ZNF343: variants seen among roughly 807,000 people sequenced by gnomAD.
The protein encoded by ZNF343 is zinc finger protein 343.
A neutral mutation model predicts 13.8 loss-of-function variants in ZNF343; 11 were observed. The observed-to-expected ratio is 0.80, with a 90% confidence interval of 0.50 to 1.32. The LOEUF (loss-of-function observed/expected upper bound fraction) is 1.32, where lower values mean the gene tolerates loss of function less well. Among genes scored for constraint, ZNF343 ranks in the 40% most tolerant of loss-of-function variants. The pLI, the probability that ZNF343 is intolerant of heterozygous loss-of-function variation, is 0.00. For synonymous variants in ZNF343, 248 were observed against 260.0 expected (o/e 0.95, Z 0.44); for missense variants, 658 against 714.2 (o/e 0.92, Z 0.90).
At chr20:2,497,714 G>A (rs764922895) in intron 2 of ZNF343, among the ~76,000 whole-genome samples, 12 of 152,130 alleles carry the variant, frequency 7.9e-5, no homozygotes, top group Admixed American at 2.6e-4. Flanking sequence ...AGAGAAATGG[G>A]GTAATAGCTG....
At chr20:2,504,862 A>T (rs1009230886) in intron 1 of ZNF343, among the ~76,000 whole-genome samples, 2 of 152,170 alleles carry the variant, frequency 1.3e-5, no homozygotes, top group Admixed American at 1.3e-4. Flanking sequence ...ATGGGCAAAA[A>T]CTGGAAGCAT....
At chr20:2,523,559 A>T (rs903777232) in intron 1 of ZNF343, among the ~76,000 whole-genome samples, 6 of 152,078 alleles carry the variant, frequency 3.9e-5, no homozygotes, top group African/African-American at 1.4e-4. Flanking sequence ...CTTCTCAGTG[A>T]GAAATGGGAA....
chr20:2,506,186 A>G (rs1469705192), intron 1 of ZNF343, among the ~76,000 whole-genome samples: 1 of 152,268 alleles, frequency 6.6e-6, no homozygotes, highest in African/African-American at 2.4e-5. Flanking sequence ...CAAAAGACAC[A>G]GGAAAAAATG....
intron 1 of ZNF343, among the ~76,000 whole-genome samples, chr20:2,505,905 C>T (rs866171563): frequency 1.2e-4 from 18 of 152,256 alleles, no homozygotes; most frequent in Middle Eastern, 6.8e-3. Flanking sequence ...GTCTAAAACA[C>T]CAAAAGCAAT....
Position 2,484,261 on chromosome 20 carries a change from C to T in ZNF343, c.700G>A (p.Glu234Lys). ...VQLDKGLKELETLRFGAINCR... is the reference protein window; with the variant it reads ...VQLDKGLKELKTLRFGAINCR... ...TTGATTGCTCCAAATCTCAAGGTTT[C>T]TAATTCCTTCAAGCCTTTGTCTAGC... The change falls in exon 6 of 6, where the codon GAA becomes AAA. Residue 234 changes from glutamate (E) to lysine (K), a missense_variant. Physicochemically the swap from Glu to Lys is moderately conservative, Grantham distance 56 (BLOSUM62 1). Coordinates refer to ENST00000278772, the MANE Select transcript of ZNF343 (RefSeq NM_024325.6). 1 of 1,614,222 alleles carries T rather than the reference C, an allele frequency of 6.2e-7. No homozygotes were observed. Among genetic ancestry groups the T allele is most frequent in the Non-Finnish European group, 8.5e-7 (1 of 1,180,048 alleles).
intron 1 of ZNF343, among the ~76,000 whole-genome samples, chr20:2,523,097 A>G (rs1403921716): frequency 6.6e-6 from 1 of 152,254 alleles, no homozygotes; most frequent in Non-Finnish European, 1.5e-5. Context: ...AATGGTGATG[A>G]AAATGAACTC....
intron 1 of ZNF343, among the ~76,000 whole-genome samples, chr20:2,523,752 C>T (rs1267145510): frequency 7.4e-6 from 1 of 134,806 alleles, no homozygotes; most frequent in Admixed American, 8.8e-5. Context: ...GCGATCTTGG[C>T]TCACTGCAAC....
chr20:2,514,960 T>G (rs937584895), intron 1 of ZNF343, among the ~76,000 whole-genome samples: 1 of 147,962 alleles, frequency 6.8e-6, no homozygotes, highest in African/African-American at 2.5e-5. Flanking sequence ...ATTGCACCAC[T>G]GCACTGCACT....
chr20:2,505,942 G>A (rs1270234205), intron 1 of ZNF343, among the ~76,000 whole-genome samples: 5 of 152,098 alleles, frequency 3.3e-5, no homozygotes, highest in South Asian at 4.1e-4. Flanking sequence ...ATTGACAAAC[G>A]GGATCTAATT....
chr20:2,490,543 G>GTT (rs35423481), intron 5 of ZNF343, among the ~76,000 whole-genome samples: 1 of 144,164 alleles, frequency 6.9e-6, no homozygotes. Context: ...TTTGGTTTTT[G>GTT]TTTTTTTTTT....
rs377227345 is a variant in ZNF343 at position 2,501,479 on chromosome 20, C to T, written c.-236-737G>A. ...GAAGAGAGTATTGGTTCTCCCAGCA[C>T]GCAGCTGGAGATCTGAGAATGGACA... On this transcript the variant is annotated intron_variant, in intron 1 of 5. Transcript: ENST00000278772. Among the ~76,000 whole-genome samples, 161 of 152,290 alleles carry T rather than the reference C, an allele frequency of 1.1e-3. 1 individual carries two copies. Among genetic ancestry groups the T allele is most frequent in the East Asian group, 2.5e-3 (13 of 5,164 alleles).
intron 5 of ZNF343, among the ~76,000 whole-genome samples, chr20:2,488,977 C>T (rs1007455604): frequency 6.6e-5 from 10 of 152,060 alleles, no homozygotes; most frequent in African/African-American, 1.7e-4. Flanking sequence ...CCCAGGAAGT[C>T]GAGGCTGCAG....
In ZNF343 at chr20:2,494,005, T is replaced by G. The variant is rs1369110355; in HGVS notation, c.-110A>C. 1.3e-6 allele frequency: 1 copy of G among 782,706 alleles called. No homozygotes were observed. Among genetic ancestry groups the G allele is most frequent in the African/African-American group, 1.7e-5 (1 of 57,862 alleles). The allele number at this position is 782,706 out of a possible 1,614,324, so 48.5% of individuals were successfully genotyped here. The stretch of plus-strand genomic sequence containing the variant: ...TGCCTGTGGTGACTTCTTCCAACCT[T>G]AATTATAAAAAGCCCAGCTTGTTTC... On this transcript the variant is annotated 5_prime_UTR_variant, in exon 3 of 6. Transcript: ENST00000278772.
At chr20:2,514,336 A>G (rs893290973) in intron 1 of ZNF343, among the ~76,000 whole-genome samples, 12 of 152,362 alleles carry the variant, frequency 7.9e-5, no homozygotes, top group African/African-American at 2.9e-4. Context: ...TTCTGTAAGT[A>G]AGACCAAATT....
At position 2,483,046 on chromosome 20, in the gene ZNF343, C is replaced by T; in HGVS notation, c.*115G>A. The T allele has an allele frequency of 7.9e-7, 1 of 1,267,460 alleles. No homozygotes were observed. The highest frequency in any genetic ancestry group is 1.1e-6 in the Non-Finnish European group (1 of 925,418). The allele number at this position is 1,267,460 out of a possible 1,614,324, so 78.5% of individuals were successfully genotyped here. A position where few individuals can be genotyped will look rare whatever the true frequency, so the allele number is the denominator to read the frequency against. On this transcript the variant is annotated 3_prime_UTR_variant, in exon 6 of 6. Transcript: ENST00000278772. ...AAGGGCTGACACATCTCTGGAACTT[C>T]ACTCACAATCTGTGTACACAGGGTC...
At chr20:2,513,900 T>A (rs1049406739), upstream of ZNF343, among the ~76,000 whole-genome samples, 3 of 152,192 alleles carry the variant, frequency 2.0e-5, no homozygotes. Context: ...TCATTCCACT[T>A]AAATGAATTT....
intron 2 of ZNF343, among the ~76,000 whole-genome samples, chr20:2,494,536 C>T (rs781482738): frequency 2.0e-5 from 3 of 151,934 alleles, no homozygotes; most frequent in Non-Finnish European, 2.9e-5. Flanking sequence ...TGGGAGGCCA[C>T]GGCAAGCTAA....
intron 1 of ZNF343, among the ~76,000 whole-genome samples, chr20:2,503,080 G>A (rs1480332836): frequency 6.6e-6 from 1 of 152,170 alleles, no homozygotes. Context: ...CTCACATGTA[G>A]TGACATACAT....
intron 1 of ZNF343, among the ~76,000 whole-genome samples, chr20:2,522,255 C>T (rs2085785854): frequency 6.6e-6 from 1 of 152,132 alleles, no homozygotes; most frequent in Non-Finnish European, 1.5e-5. Context: ...GGACATATTC[C>T]TTAATACTGC....
Sources: gnomAD v4.1 joint callset for allele counts (sites outside exome capture counted in the v4.1 genomes callset) on GRCh38, gnomAD v4.1.1 for gene constraint, MANE v1.5 for transcripts, NCBI Gene and HGNC (gene_info 2026-07-23, HGNC 2026-07-21) for gene names.